The following DOCK2 variants were observed in gnomAD, a reference collection of about 807,000 sequenced individuals.
DOCK2 encodes the protein dedicator of cytokinesis 2, also known as dedicator of cytokinesis protein 2.
Under a neutral mutation model 248.9 loss-of-function variants are expected in DOCK2, and 87 were observed. The ratio of observed to expected loss-of-function variants is 0.35; its 90% CI spans 0.29 to 0.42. The LOEUF (loss-of-function observed/expected upper bound fraction) is 0.42. DOCK2 is among the 10% of genes least tolerant of loss of function. The pLI, the probability that DOCK2 is intolerant of heterozygous loss-of-function variation, is 1.00. For synonymous variants in DOCK2, 805 were observed against 821.6 expected (o/e 0.98, Z 0.35); for missense variants, 1,747 against 2,300.2 (o/e 0.76, Z 4.92).
intron 22 of DOCK2, among the ~76,000 whole-genome samples, chr5:169,724,908 T>A (rs1762396246): frequency 6.6e-6 from 1 of 152,196 alleles, no homozygotes; most frequent in Admixed American, 6.5e-5. Flanking sequence ...AGCAAGATTG[T>A]CTGAATAAAG....
chr5:170,065,991 G>A (rs1259495195), intron 44 of DOCK2, among the ~76,000 whole-genome samples: 8 of 139,174 alleles, frequency 5.7e-5, no homozygotes, highest in African/African-American at 8.3e-5. Context: ...TCGCTCTGTC[G>A]CCGAGGCTGG....
chr5:169,883,210 C>T (rs1328369287), intron 27 of DOCK2: 1 of 1,551,622 alleles, frequency 6.4e-7, no homozygotes, highest in African/African-American at 1.4e-5. Flanking sequence ...TATGGAGTTA[C>T]TTACTTCAGC....
intron 26 of DOCK2, among the ~76,000 whole-genome samples, chr5:169,823,293 C>A (rs1768602017): frequency 2.0e-5 from 3 of 152,082 alleles, no homozygotes; most frequent in Non-Finnish European, 4.4e-5. Context: ...ATCCTGGTAC[C>A]AAAGCCTGGC....
chr5:169,669,265 GTTTC>G lies in DOCK2; in HGVS notation c.128-19_128-16del. 6.2e-7 allele frequency: 1 copy of G among 1,613,052 alleles called. No homozygotes were observed. The highest frequency in any genetic ancestry group is 8.5e-7 in the Non-Finnish European group (1 of 1,179,698). ...CAAACTTGTAATAAATGAGGGAACT[GTTTC>G]TTTGTTTTCTTTTTGCAGACTGGTA... is the stretch of plus-strand genomic sequence containing the variant. On this transcript the variant is annotated intron_variant, in intron 2 of 51. Coordinates refer to ENST00000520908, the MANE Select transcript of DOCK2 (RefSeq NM_004946.3).
chr5:170,072,219 G>A (rs1391531640), intron 46 of DOCK2, among the ~76,000 whole-genome samples: 1 of 152,074 alleles, frequency 6.6e-6, no homozygotes, highest in Non-Finnish European at 1.5e-5. Flanking sequence ...ATCACCATAG[G>A]TTAGGTTATT....
intron 48 of DOCK2, 134 bp from the exon 49 acceptor site, chr5:170,078,841 T>G: frequency 3.3e-6 from 3 of 908,682 alleles, no homozygotes; most frequent in Non-Finnish European, 5.0e-6. Context: ...TCTGCCAGAT[T>G]TGCTGATCTA....
At position 169,699,469 on chromosome 5, in the gene DOCK2, A is replaced by C. The variant is rs751017695; in HGVS notation, c.1132+11A>C. 1.4e-5 allele frequency: 23 copies of C among 1,610,070 alleles called. No individual in the cohort carries two copies. The highest frequency in any genetic ancestry group is 1.9e-5 in the Non-Finnish European group (22 of 1,177,780). ...ACAGTGGAGGGCAAGGTAAAGTGCC[A>C]ATATGCCAGTGGGCTGAGCCTGCTC... On this transcript the variant is annotated intron_variant, in intron 12 of 51. Transcript: ENST00000520908.
chr5:169,663,840 A>G (rs2113243222), intron 2 of DOCK2, among the ~76,000 whole-genome samples: 1 of 152,068 alleles, frequency 6.6e-6, no homozygotes, highest in South Asian at 2.1e-4. Context: ...GATCTCTGAA[A>G]TGCCCTGGAG....
chr5:169,637,317 C>T lies in DOCK2; in HGVS notation c.-10C>T, dbSNP rs1260570830. ...TTCCCCACGGGAGGACGCGAGGCCC[C>T]GGCCCAGCCATGGCCCCCTGGCGCA... On this transcript the variant is annotated 5_prime_UTR_variant, in exon 1 of 52. Transcript: ENST00000520908. The T allele has an allele frequency of 7.0e-6, 10 of 1,424,920 alleles. No homozygotes were observed. Among genetic ancestry groups the T allele is most frequent in the East Asian group, 3.0e-5 (1 of 33,116 alleles). 88.3% of individuals were successfully genotyped at this position (1,424,920 alleles called of 1,614,324 possible).
chr5:169,935,227 A>G (rs1561836481), intron 27 of DOCK2, among the ~76,000 whole-genome samples: 1 of 138,444 alleles, frequency 7.2e-6, no homozygotes, highest in Non-Finnish European at 1.5e-5. Flanking sequence ...GTAAATTTGT[A>G]CACTGTTTGC....
intron 22 of DOCK2, among the ~76,000 whole-genome samples, chr5:169,719,853 T>C (rs763250971): frequency 1.3e-5 from 2 of 151,304 alleles, no homozygotes; most frequent in African/African-American, 2.5e-5. Flanking sequence ...GTGGACTTGT[T>C]ATTTTAGAGA....
At chr5:169,815,943 A>G (rs947472021) in intron 26 of DOCK2, among the ~76,000 whole-genome samples, 2 of 152,208 alleles carry the variant, frequency 1.3e-5, no homozygotes, top group Admixed American at 1.3e-4. Flanking sequence ...GCATAAAAGC[A>G]CTAGTTGAAA....
intron 22 of DOCK2, among the ~76,000 whole-genome samples, chr5:169,722,655 A>T (rs1016614275): frequency 1.3e-5 from 2 of 152,222 alleles, no homozygotes; most frequent in African/African-American, 4.8e-5. Context: ...TGATGAAATG[A>T]GATTATGGGT....
At chr5:170,031,462 T>TCTGCGTCCAC (rs1756133000) in intron 34 of DOCK2, among the ~76,000 whole-genome samples, 1 of 152,204 alleles carries the variant, frequency 6.6e-6, no homozygotes, top group Non-Finnish European at 1.5e-5. Context: ...CCACCACCCT[T>TCTGCGTCCAC]CATTCCACTG....
intron 1 of DOCK2, among the ~76,000 whole-genome samples, chr5:169,651,902 G>A (rs1473792925): frequency 6.6e-6 from 1 of 152,246 alleles, no homozygotes; most frequent in Non-Finnish European, 1.5e-5. Flanking sequence ...GTGCAGGAAA[G>A]GAGATTTAAA....
rs77375217 is a variant in DOCK2 at position 169,707,104 on chromosome 5, G to T, written c.1384-1065G>T. The stretch of plus-strand genomic sequence containing the variant: ...GCAATTTGAGGATTGAAAATTGTTT[G>T]GCCTAATATAAAAACCACACTTCGG... On this transcript the variant is annotated intron_variant, in intron 14 of 51. Coordinates refer to ENST00000520908, the MANE Select transcript of DOCK2 (RefSeq NM_004946.3). 3.2e-3 allele frequency among the ~76,000 whole-genome samples: 482 copies of T among 152,284 alleles called. 24 individuals carry two copies. The East Asian group carries it at 0.077, about 24-fold the overall frequency.
intron 32 of DOCK2, among the ~76,000 whole-genome samples, chr5:170,017,087 T>C (rs1755562777): frequency 6.6e-6 from 1 of 152,212 alleles, no homozygotes. Context: ...TTTTTTATTT[T>C]ATTTTAATCT....
At chr5:169,717,329 T>C in intron 20 of DOCK2, 55 bp from the exon 21 acceptor site, 1 of 1,464,318 alleles carries the variant, frequency 6.8e-7, no homozygotes, top group Non-Finnish European at 9.6e-7. Flanking sequence ...CAGGTAAAGA[T>C]GGCTTCCTGC....
At chr5:169,901,189 T>A (rs1773902091) in intron 27 of DOCK2, among the ~76,000 whole-genome samples, 1 of 152,042 alleles carries the variant, frequency 6.6e-6, no homozygotes, top group Non-Finnish European at 1.5e-5. Flanking sequence ...GGGATGGGCA[T>A]GAAAAGAGGG....
Sources: allele counts gnomAD v4.1 joint callset (sites outside exome capture counted in the v4.1 genomes callset), GRCh38; gene constraint gnomAD v4.1.1; transcripts MANE v1.5; gene names NCBI Gene and HGNC (gene_info 2026-07-23, HGNC 2026-07-21).